RERGL: variants seen among roughly 807,000 people sequenced by gnomAD.
The protein encoded by RERGL is RERG like.
A neutral mutation model predicts 24.7 loss-of-function variants in RERGL; 22 were observed. The observed-to-expected ratio is 0.89, with a 90% CI of 0.64 to 1.27. RERGL has a LOEUF of 1.27. Ranked by LOEUF, RERGL falls within the 50% of genes most tolerant of loss-of-function variation. The pLI is 0.00. For synonymous variants in RERGL, 76 were observed against 82.6 expected (o/e 0.92, Z 0.43); for missense variants, 259 against 235.3 (o/e 1.10, Z -0.66).
chr12:18,085,653 T>G lies in RERGL; in HGVS notation c.150A>C (p.Gln50His). Residue 50 changes from glutamine (Q) to histidine (H), a missense_variant, in exon 3 of 5, where the codon CAA (glutamine) becomes CAC (histidine). Transcript: ENST00000538724. The part of the protein sequence containing the change: ...YKKHLCLERK[Q>H]LNLEIYDPCS... ...AAGGGTCATATATTTCTAGATTTAG[T>G]TGTTTCCTTTCCAAACACAAGTGCT... The G allele has an allele frequency of 6.3e-7, 1 of 1,599,414 alleles. No individual in the cohort carries two copies. Among genetic ancestry groups the G allele is most frequent in the Non-Finnish European group, 8.5e-7 (1 of 1,169,824 alleles).
At chr12:18,084,950 T>A (rs1487600937) in intron 3 of RERGL, among the ~76,000 whole-genome samples, 2 of 152,182 alleles carry the variant, frequency 1.3e-5, no homozygotes, top group African/African-American at 4.8e-5. Flanking sequence ...GCTACAATAA[T>A]TGTCTTTTGA....
At chr12:18,088,067 C>T (rs1288357793) in intron 2 of RERGL, among the ~76,000 whole-genome samples, 1 of 152,096 alleles carries the variant, frequency 6.6e-6, no homozygotes, top group African/African-American at 2.4e-5. Flanking sequence ...GAAAAATACA[C>T]TTGCAATCAT....
rs760168654 is a variant in RERGL, at chr12:18,081,152, ACT to A, written c.*37_*38del. On this transcript the variant is annotated 3_prime_UTR_variant, in exon 5 of 5. Transcript: ENST00000538724. ...TTTAATTATCATGTGAATGTTTGAA[ACT>A]CTCTGATATAGGAAATCTCCCAGGA... 4.2e-5 allele frequency: 65 copies of A among 1,531,962 alleles called. No individual in the cohort carries two copies. Among genetic ancestry groups the A allele is most frequent in the Non-Finnish European group, 5.1e-5 (58 of 1,134,744 alleles). 94.9% of individuals were successfully genotyped at this position (1,531,962 alleles called of 1,614,324 possible).
intron 2 of RERGL, among the ~76,000 whole-genome samples, chr12:18,088,215 G>A (rs1296202941): frequency 6.6e-6 from 1 of 151,492 alleles, no homozygotes; most frequent in Admixed American, 6.6e-5. Context: ...TCTTCAATTG[G>A]GTAAGATATT....
rs138160292 is a variant in RERGL at position 18,083,825 on chromosome 12, A to G, written c.332+692T>C. Among the ~76,000 whole-genome samples, 252 of 152,306 alleles carry G rather than the reference A, an allele frequency of 1.7e-3. 2 individuals are homozygous for G. The highest frequency in any genetic ancestry group is 5.8e-3 in the African/African-American group (240 of 41,584). On this transcript the variant is annotated intron_variant, in intron 4 of 4. Transcript: ENST00000538724. Reference sequence around the variant, plus strand: ...AAAGCACAAAGACTCTTTTACAATCAGCATGTTGAGCAAAAATAAATACTT... The same window carrying G: ...AAAGCACAAAGACTCTTTTACAATCGGCATGTTGAGCAAAAATAAATACTT...
intron 3 of RERGL, 110 bp from the exon 4 acceptor site, chr12:18,084,775 G>C (rs1024574836): frequency 5.4e-6 from 4 of 735,908 alleles, no homozygotes; most frequent in Admixed American, 6.0e-5. Context: ...ACATCAATGT[G>C]TTAAATATTG....
At chr12:18,088,123 C>G (rs150205185) in intron 2 of RERGL, among the ~76,000 whole-genome samples, 8 of 152,156 alleles carry the variant, frequency 5.3e-5, no homozygotes, top group African/African-American at 1.9e-4. Flanking sequence ...AAAACATTCT[C>G]CTTTCTCTCA....
chr12:18,086,480 G>C (rs1231533384), intron 2 of RERGL, among the ~76,000 whole-genome samples: 4 of 152,038 alleles, frequency 2.6e-5, no homozygotes, highest in African/African-American at 9.7e-5. Context: ...TCTGTATCTT[G>C]ATTTTATTCG....
At chr12:18,084,924 T>C (rs1340764678) in intron 3 of RERGL, among the ~76,000 whole-genome samples, 1 of 152,208 alleles carries the variant, frequency 6.6e-6, no homozygotes, top group Non-Finnish European at 1.5e-5. Flanking sequence ...CTCCACTTTT[T>C]CAGAAAATTT....
At position 18,084,597 on chromosome 12, in the gene RERGL, G is replaced by T. The variant is rs191143010; in HGVS notation, c.252C>A (p.Asp84Glu). Residue 84 changes from aspartate to glutamate, a missense_variant, in exon 4 of 5, where the codon GAC becomes GAA. Transcript: ENST00000538724. The stretch of plus-strand genomic sequence containing the variant: ...AAGCAAATGAAGACCTATCACTGAT[G>T]TCATACACAATAACAAACCCATCTG... ...HWADGFVIVY[D>E]ISDRSSFAFA... 82 of 1,613,126 alleles carry T rather than the reference G, an allele frequency of 5.1e-5. No individual in the cohort carries two copies. The East Asian group carries it at 1.7e-3, about 33-fold the overall frequency.
Position 18,081,138 on chromosome 12 carries a change from T to C in RERGL, c.*53A>G, listed in dbSNP as rs1205083409. 9 of 1,489,780 alleles carry C rather than the reference T, an allele frequency of 6.0e-6. No homozygotes were observed. The highest frequency in any genetic ancestry group is 2.8e-5 in the African/African-American group (2 of 71,526). The allele number at this position is 1,489,780 out of a possible 1,614,324, so 92.3% of individuals were successfully genotyped here. A position where few individuals can be genotyped will look rare whatever the true frequency, so the allele number is the denominator to read the frequency against. On this transcript the variant is annotated 3_prime_UTR_variant, in exon 5 of 5. Coordinates refer to ENST00000538724, the MANE Select transcript of RERGL (RefSeq NM_001286201.2). ...CATACAAAGGTTAGTTTAATTATCATGTGAATGTTTGAAACTCTCTGATAT... is the reference window on the plus strand; with the variant it reads ...CATACAAAGGTTAGTTTAATTATCACGTGAATGTTTGAAACTCTCTGATAT...
Position 18,082,188 on chromosome 12 carries a change from T to G in RERGL, c.333-715A>C, listed in dbSNP as rs547400171. ...TGAGAGCATGCCCTTTGCGGGGACA[T>G]GGATGGAGCTGGAGGCCATTATCTT... On this transcript the variant is annotated intron_variant, in intron 4 of 4. Transcript: ENST00000538724. Among the ~76,000 whole-genome samples, 3 of 149,108 alleles carry G rather than the reference T, an allele frequency of 2.0e-5. No individual in the cohort carries two copies. The South Asian group carries it at 6.4e-4, about 32-fold the overall frequency.
intron 3 of RERGL, 54 bp from the exon 4 acceptor site, chr12:18,084,719 A>G (rs977886861): frequency 2.0e-6 from 3 of 1,525,904 alleles, no homozygotes; most frequent in African/African-American, 1.4e-5. Flanking sequence ...CTGTGTTTTT[A>G]TACTTTAAAC....
At chr12:18,082,347 G>C (rs1947182462) in intron 4 of RERGL, among the ~76,000 whole-genome samples, 1 of 152,112 alleles carries the variant, frequency 6.6e-6, no homozygotes, top group South Asian at 2.1e-4. Flanking sequence ...TCGAGGGTGG[G>C]AGGAGGAAGA....
intron 2 of RERGL, among the ~76,000 whole-genome samples, chr12:18,088,280 A>C (rs559745663): frequency 6.6e-6 from 1 of 152,184 alleles, no homozygotes; most frequent in South Asian, 2.1e-4. Context: ...AATTATGGCA[A>C]AATTTCTCAC....
chr12:18,088,361 C>T (rs887898177), intron 2 of RERGL, among the ~76,000 whole-genome samples: 11 of 151,746 alleles, frequency 7.2e-5, no homozygotes, highest in African/African-American at 1.2e-4. Context: ...TAGAAGAGTT[C>T]GAGAAATAAT....
In RERGL at chr12:18,081,255, C is replaced by G. The variant is rs376000629; in HGVS notation, c.551G>C (p.Ser184Thr). 6.2e-7 allele frequency: 1 copy of G among 1,608,726 alleles called. No individual in the cohort carries two copies. Among genetic ancestry groups the G allele is most frequent in the African/African-American group, 1.3e-5 (1 of 74,932 alleles). Residue 184 changes from serine (S) to threonine (T), a missense_variant, in exon 5 of 5, where the codon AGT becomes ACT. Ser to Thr is a moderately conservative substitution (Grantham distance 58, BLOSUM62 1). Coordinates refer to ENST00000538724, the MANE Select transcript of RERGL (RefSeq NM_001286201.2). ...NFKLKEKRRP[S>T]GSKSMAKLIN... ...CAATTTGGCCATTGATTTAGATCCA[C>G]TGGGACGTCTCTTTTCTTTGAGTTT... is the stretch of plus-strand genomic sequence containing the variant.
chr12:18,081,527 T>TAA (rs3054570), intron 4 of RERGL, 54 bp from the exon 5 acceptor site: 879 of 1,092,944 alleles, frequency 8.0e-4, no homozygotes, highest in African/African-American at 3.0e-3. Context: ...CTCTTTTTTT[T>TAA]AAAAAAAAAA....
At position 18,084,648 on chromosome 12, in the gene RERGL, G is replaced by T. The variant is rs1947202993; in HGVS notation, c.201C>A (p.Phe67Leu). Reference sequence around the variant, plus strand: ...CCCAGTGAAGCTCACTTGTGAGGGAGAATTTTGCTTTCTGTGTCTGAAAAT... The same window carrying T: ...CCCAGTGAAGCTCACTTGTGAGGGATAATTTTGCTTTCTGTGTCTGAAAAT... ...DPCSQTQKAK[F>L]SLTSELHWAD... The change falls in exon 4 of 5, where the codon TTC becomes TTA. Residue 67 changes from phenylalanine to leucine, a missense_variant. Physicochemically the swap from Phe to Leu is conservative, Grantham distance 22 (BLOSUM62 0). Transcript: ENST00000538724. The T allele has an allele frequency of 1.2e-6, 2 of 1,609,102 alleles. No homozygotes were observed. The highest frequency in any genetic ancestry group is 1.7e-6 in the Non-Finnish European group (2 of 1,178,380).
Sources: allele counts gnomAD v4.1 joint callset (sites outside exome capture counted in the v4.1 genomes callset), GRCh38; gene constraint gnomAD v4.1.1; transcripts MANE v1.5; gene names NCBI Gene and HGNC (gene_info 2026-07-23, HGNC 2026-07-21).